MCM6: variants seen among roughly 807,000 people sequenced by gnomAD.
MCM6 encodes the protein minichromosome maintenance complex component 6.
In MCM6, 46 loss-of-function variants were observed where a neutral mutation model predicts 94.3. The observed-to-expected ratio is 0.49, with a 90% CI of 0.39 to 0.62. The LOEUF (loss-of-function observed/expected upper bound fraction) is 0.62. MCM6 is among the 20% of genes least tolerant of loss of function. The pLI is 0.00. For missense variants in MCM6, 865 were observed against 1,017.9 expected (o/e 0.85, Z 2.04); for synonymous variants, 335 against 351.9 (o/e 0.95, Z 0.54).
At chr2:135,876,230 G>C in intron 1 of MCM6, 29 bp downstream of exon 1, 1 of 1,550,044 alleles carries the variant, frequency 6.5e-7, no homozygotes, top group South Asian at 1.2e-5. Context: ...TCCGGAGGCG[G>C]GCGAGGCCCG....
chr2:135,870,253 G>T lies in MCM6; in HGVS notation c.363C>A (p.His121Gln). 1 of 1,607,646 alleles carries T rather than the reference G, an allele frequency of 6.2e-7. No individual in the cohort carries two copies. Among genetic ancestry groups the T allele is most frequent in the South Asian group, 1.1e-5 (1 of 90,938 alleles). ...YVAFQDLPTR[H>Q]KIRELTSSRI... Reference sequence around the variant, plus strand: ...TTTTCCAGAGAAGGGTTTCTTACTTGTGTCTGGTAGGCAGGTCTTGGAATG... The same window carrying T: ...TTTTCCAGAGAAGGGTTTCTTACTTTTGTCTGGTAGGCAGGTCTTGGAATG... The change falls in exon 3 of 17, where the codon CAC (histidine) becomes CAA (glutamine). Residue 121 changes from histidine (H) to glutamine (Q), a missense_variant and splice_region_variant. By Grantham distance (24) the His-to-Gln change is conservative. This residue lies in a region of MCM6 where 404 missense variants were observed against 451.9 expected (regional missense o/e 0.89). Coordinates refer to ENST00000264156, the MANE Select transcript of MCM6 (RefSeq NM_005915.6).
intron 14 of MCM6, among the ~76,000 whole-genome samples, chr2:135,847,286 G>A (rs540516210): frequency 9.9e-5 from 15 of 152,164 alleles, no homozygotes; most frequent in African/African-American, 2.6e-4. Context: ...GAGTGGTGGC[G>A]TGGGCATATG....
In MCM6 at chr2:135,857,918, G is replaced by A; in HGVS notation, c.1449C>T (p.Ser483=). The A allele has an allele frequency of 6.2e-7, 1 of 1,613,832 alleles. No homozygotes were observed. The highest frequency in any genetic ancestry group is 8.5e-7 in the Non-Finnish European group (1 of 1,179,912). ...ATACCTTCACTCCTGCTTTAGTGAT[G>A]GATATGGTCTGCTGTTCCATAGCTT... The part of the protein sequence containing the change: ...IHEAMEQQTI[S]ITKAGVKATL... The change falls in exon 10 of 17, where the codon TCC becomes TCT. Residue 483 remains serine, a synonymous_variant. Coordinates refer to ENST00000264156, the MANE Select transcript of MCM6 (RefSeq NM_005915.6).
intron 1 of MCM6, among the ~76,000 whole-genome samples, chr2:135,875,673 GA>G (rs1337288935): frequency 1.3e-5 from 2 of 152,158 alleles, no homozygotes; most frequent in East Asian, 3.9e-4. Flanking sequence ...AGGCCAGAGG[GA>G]AAGGGGAGCA....
At chr2:135,870,454 A>G in intron 2 of MCM6, 93 bp from the exon 3 acceptor site, 1 of 837,760 alleles carries the variant, frequency 1.2e-6, no homozygotes, top group South Asian at 1.4e-5. Flanking sequence ...AAGGAATTTC[A>G]TCTGGTTACA....
chr2:135,850,424 T>C (rs4988238), intron 13 of MCM6, among the ~76,000 whole-genome samples: 155 of 152,034 alleles, frequency 1.0e-3, no homozygotes, highest in African/African-American at 3.6e-3. Context: ...ACATGCTTAA[T>C]TAAATACATG....
intron 11 of MCM6, among the ~76,000 whole-genome samples, chr2:135,854,529 CAAAA>C (rs1181597035): frequency 2.6e-4 from 13 of 49,974 alleles, no homozygotes; most frequent in Non-Finnish European, 2.5e-4. Context: ...GACTCCATCT[CAAAA>C]AAAAAAAAAA....
chr2:135,876,223 G>A (rs1433090159), intron 1 of MCM6, 36 bp downstream of exon 1: 31 of 1,525,952 alleles, frequency 2.0e-5, no homozygotes, highest in Non-Finnish European at 2.6e-5. Flanking sequence ...CGCAGGCTCC[G>A]GAGGCGGGCG....
intron 13 of MCM6, 42 bp downstream of exon 13, chr2:135,851,360 C>G: frequency 6.6e-7 from 1 of 1,517,412 alleles, no homozygotes; most frequent in Admixed American, 1.9e-5. Flanking sequence ...TGCAACAAAT[C>G]TGTTTATCTC....
At chr2:135,847,903 C>T (rs1212646904) in intron 14 of MCM6, 150 bp downstream of exon 14, 8 of 575,182 alleles carry the variant, frequency 1.4e-5, no homozygotes, top group Admixed American at 5.4e-5. Flanking sequence ...TTCATTTTAA[C>T]TTGTAAACAG....
At chr2:135,874,704 T>G (rs949694673) in intron 1 of MCM6, among the ~76,000 whole-genome samples, 1 of 152,182 alleles carries the variant, frequency 6.6e-6, no homozygotes, top group African/African-American at 2.4e-5. Flanking sequence ...CACTGGAGCA[T>G]TTCAAATTAG....
chr2:135,855,574 G>A (rs1469690616), intron 11 of MCM6, among the ~76,000 whole-genome samples: 1 of 152,164 alleles, frequency 6.6e-6, no homozygotes, highest in Non-Finnish European at 1.5e-5. Flanking sequence ...GCTGAGGCAG[G>A]AGGATCACTG....
chr2:135,873,559 C>T (rs1194770399), intron 1 of MCM6, among the ~76,000 whole-genome samples: 1 of 152,212 alleles, frequency 6.6e-6, no homozygotes, highest in Non-Finnish European at 1.5e-5. Flanking sequence ...TTCTTTCAAA[C>T]ATAATATGCA....
intron 11 of MCM6, among the ~76,000 whole-genome samples, chr2:135,853,196 C>T (rs1028099766): frequency 1.3e-5 from 2 of 152,124 alleles, no homozygotes; most frequent in African/African-American, 4.8e-5. Context: ...CTTGTAATCC[C>T]AACACTTTGG....
At chr2:135,865,205 A>C in intron 6 of MCM6, 42 bp from the exon 7 acceptor site, 1 of 1,340,366 alleles carries the variant, frequency 7.5e-7, no homozygotes. Flanking sequence ...GTATAGAAGC[A>C]GTCAAAAGAG....
In MCM6 at chr2:135,876,297, G is replaced by C; in HGVS notation, c.69C>G (p.Ala23=). 1 of 1,611,246 alleles carries C rather than the reference G, an allele frequency of 6.2e-7. No homozygotes were observed. Among genetic ancestry groups the C allele is most frequent in the Non-Finnish European group, 8.5e-7 (1 of 1,179,486 alleles). The change falls in exon 1 of 17, where the codon GCC becomes GCG. Residue 23 remains alanine, a synonymous_variant. Transcript: ENST00000264156. Reference sequence around the variant, plus strand: ...CCAGGAACAGTTTCTGGCACTTCTCGGCCACCTCGTCGCGGACCTCCAGGT... The same window carrying C: ...CCAGGAACAGTTTCTGGCACTTCTCCGCCACCTCGTCGCGGACCTCCAGGT... ...SQHLEVRDEV[A]EKCQKLFLDF...
Position 135,862,589 on chromosome 2 carries a change from T to C in MCM6, c.1220+18A>G. The C allele has an allele frequency of 6.2e-7, 1 of 1,614,038 alleles. No homozygotes were observed. The highest frequency in any genetic ancestry group is 1.3e-5 in the African/African-American group (1 of 75,046). On this transcript the variant is annotated intron_variant, in intron 8 of 16. Coordinates refer to ENST00000264156, the MANE Select transcript of MCM6 (RefSeq NM_005915.6). ...ATGTACACTTTTTCCTGCAACACTGTATCAGGCAAACGCTTACTTGAGAAA... is the reference window on the plus strand; with the variant it reads ...ATGTACACTTTTTCCTGCAACACTGCATCAGGCAAACGCTTACTTGAGAAA...
intron 9 of MCM6, among the ~76,000 whole-genome samples, chr2:135,858,847 A>T (rs1033297882): frequency 2.6e-5 from 4 of 152,104 alleles, no homozygotes; most frequent in African/African-American, 9.7e-5. Context: ...TTTAAATTCT[A>T]GATGAAGAAA....
chr2:135,843,615 C>T (rs1205616669), intron 16 of MCM6, among the ~76,000 whole-genome samples: 1 of 151,436 alleles, frequency 6.6e-6, no homozygotes, highest in East Asian at 1.9e-4. Flanking sequence ...TGGCCGGCGC[C>T]TGTAATCCTA....
Sources: allele counts gnomAD v4.1 joint callset (sites outside exome capture counted in the v4.1 genomes callset), GRCh38; gene constraint gnomAD v4.1.1; regional missense constraint gnomAD v4.1.1; transcripts MANE v1.5; gene names NCBI Gene and HGNC (gene_info 2026-07-23, HGNC 2026-07-21).